Variants in MYO5B observed in about 807,000 individuals in gnomAD.
MYO5B encodes the protein myosin VB.
MYO5B carries 143 observed loss-of-function variants against 229.3 expected under a neutral mutation model. The ratio of observed to expected loss-of-function variants is 0.62; its 90% CI spans 0.54 to 0.72. MYO5B has a LOEUF of 0.72. Ranked by LOEUF, MYO5B falls within the 30% of genes least tolerant of loss-of-function variation. The pLI is 0.00. For missense variants in MYO5B, 2,321 were observed against 2,331.0 expected, an observed-to-expected ratio of 1.00 and a Z score of 0.09; for synonymous variants, 918 against 885.2, an observed-to-expected ratio of 1.04 and a Z score of -0.66.
chr18:50,013,726 C>T (rs1186199534), intron 4 of MYO5B, among the ~76,000 whole-genome samples: 1 of 152,168 alleles, frequency 6.6e-6, no homozygotes, highest in Non-Finnish European at 1.5e-5. Context: ...TCCATTCTAC[C>T]CGACTTCAAG....
At chr18:49,911,447 A>C (rs2144159986) in intron 18 of MYO5B, among the ~76,000 whole-genome samples, 1 of 152,370 alleles carries the variant, frequency 6.6e-6, no homozygotes, top group South Asian at 2.1e-4. Context: ...CTAGATAAAC[A>C]AATGAAAATA....
At chr18:49,963,620 GT>G (rs1389215374) in intron 10 of MYO5B, among the ~76,000 whole-genome samples, 1 of 151,918 alleles carries the variant, frequency 6.6e-6, no homozygotes, top group African/African-American at 2.4e-5. Flanking sequence ...TAGAGACAAG[GT>G]TTTGCCATGT....
chr18:50,194,660 C>T, intron 1 of MYO5B, 107 bp downstream of exon 1: 1 of 755,688 alleles, frequency 1.3e-6, no homozygotes. Flanking sequence ...GGGGGTCTCC[C>T]GTCACCTCCC....
chr18:50,127,191 C>T (rs1041953101), intron 1 of MYO5B, among the ~76,000 whole-genome samples: 9 of 152,136 alleles, frequency 5.9e-5, no homozygotes, highest in East Asian at 1.9e-4. Flanking sequence ...GTGGCACTTA[C>T]GATAATTCAA....
At chr18:49,914,741 C>T (rs1479012260) in intron 17 of MYO5B, among the ~76,000 whole-genome samples, 6 of 145,816 alleles carry the variant, frequency 4.1e-5, no homozygotes, top group South Asian at 2.1e-4. Context: ...GATCATGCCA[C>T]TGCACTCCAG....
At chr18:49,902,991 T>G (rs1485575616) in intron 20 of MYO5B, among the ~76,000 whole-genome samples, 158 bp from the exon 21 acceptor site, 2 of 152,244 alleles carry the variant, frequency 1.3e-5, no homozygotes, top group Admixed American at 6.5e-5. Flanking sequence ...CTTTGGTGGT[T>G]GTTTTATAAC....
rs1490231358 is a variant in MYO5B at position 50,120,190 on chromosome 18, G to T, written c.28-64812C>A. On this transcript the variant is annotated intron_variant, in intron 1 of 39. Transcript: ENST00000285039. Reference sequence around the variant, plus strand: ...TGCTTTCAATTTTAATGCCTTTTGGGGGCCAGAAGTATAATTGGTCAGCTT... The same window carrying T: ...TGCTTTCAATTTTAATGCCTTTTGGTGGCCAGAAGTATAATTGGTCAGCTT... 2.0e-5 allele frequency among the ~76,000 whole-genome samples: 3 copies of T among 152,202 alleles called. No individual in the cohort carries two copies. The East Asian group carries it at 5.8e-4, about 29-fold the overall frequency.
chr18:50,126,901 T>C (rs1181866995), intron 1 of MYO5B, among the ~76,000 whole-genome samples: 2 of 152,222 alleles, frequency 1.3e-5, no homozygotes, highest in Admixed American at 1.3e-4. Context: ...AATAGGGTTA[T>C]TAAATGAGCT....
At chr18:50,004,920 T>C (rs370055007) in intron 4 of MYO5B, among the ~76,000 whole-genome samples, 3 of 152,206 alleles carry the variant, frequency 2.0e-5, no homozygotes, top group Admixed American at 1.3e-4. Context: ...CAGACTTGAA[T>C]TTGAACCTCG....
rs1237611435 is a variant in MYO5B at position 50,195,014 on chromosome 18, C to G, written c.-221G>C. 6 of 532,094 alleles carry G rather than the reference C, an allele frequency of 1.1e-5. No individual in the cohort carries two copies. Among genetic ancestry groups the G allele is most frequent in the African/African-American group, 6.0e-5 (3 of 50,238 alleles). The allele number at this position is 532,094 out of a possible 1,614,324, so 33.0% of individuals were successfully genotyped here. A position where few individuals can be genotyped will look rare whatever the true frequency, so the allele number is the denominator to read the frequency against. On this transcript the variant is annotated 5_prime_UTR_variant, in exon 1 of 40. Coordinates refer to ENST00000285039, the MANE Select transcript of MYO5B (RefSeq NM_001080467.3). Reference sequence around the variant, plus strand: ...CCGCGGCGGCGCAGCTACGGCCGGACAGGAGTTGCGAGCGCCGGGGGAGGA... The same window carrying G: ...CCGCGGCGGCGCAGCTACGGCCGGAGAGGAGTTGCGAGCGCCGGGGGAGGA...
intron 38 of MYO5B, among the ~76,000 whole-genome samples, chr18:49,836,510 T>A (rs11659301): frequency 6.6e-6 from 1 of 152,152 alleles, no homozygotes; most frequent in Admixed American, 6.5e-5. Context: ...AAACAGTATC[T>A]GTGGCATCTT....
intron 2 of MYO5B, among the ~76,000 whole-genome samples, chr18:50,048,015 C>A (rs1045434781): frequency 6.6e-6 from 1 of 151,360 alleles, no homozygotes; most frequent in Non-Finnish European, 1.5e-5. Flanking sequence ...GTGCAGCACA[C>A]CAACATGGCA....
At chr18:50,190,221 A>G (rs1185620723) in intron 1 of MYO5B, among the ~76,000 whole-genome samples, 1 of 152,226 alleles carries the variant, frequency 6.6e-6, no homozygotes, top group Non-Finnish European at 1.5e-5. Context: ...CCTGAGAAGG[A>G]GAGGTTACAT....
intron 1 of MYO5B, among the ~76,000 whole-genome samples, chr18:50,192,486 CTTG>C (rs1443033401): frequency 6.6e-6 from 1 of 152,158 alleles, no homozygotes; most frequent in Non-Finnish European, 1.5e-5. Flanking sequence ...AGCCATTTTG[CTTG>C]TTGTCTTTCT....
chr18:50,164,933 T>A (rs1484671711), intron 1 of MYO5B, among the ~76,000 whole-genome samples: 1 of 152,194 alleles, frequency 6.6e-6, no homozygotes, highest in Non-Finnish European at 1.5e-5. Flanking sequence ...TGACACATTA[T>A]CACCCTCAAC....
At chr18:49,836,593 G>T in intron 38 of MYO5B, 118 bp downstream of exon 38, 3 of 1,180,466 alleles carry the variant, frequency 2.5e-6, no homozygotes, top group Admixed American at 1.8e-5. Context: ...TGTCTCATTA[G>T]GGGTATATAA....
intron 18 of MYO5B, among the ~76,000 whole-genome samples, chr18:49,906,953 G>C (rs1460261302): frequency 6.6e-6 from 1 of 152,224 alleles, no homozygotes; most frequent in African/African-American, 2.4e-5. Flanking sequence ...TGGCTGGTGA[G>C]CGTGGGATGG....
intron 4 of MYO5B, among the ~76,000 whole-genome samples, chr18:50,028,954 G>T (rs1598964617): frequency 6.6e-6 from 1 of 152,182 alleles, no homozygotes; most frequent in East Asian, 1.9e-4. Flanking sequence ...GTCATAGAAG[G>T]CAGGCAAAGG....
intron 17 of MYO5B, 57 bp from the exon 18 acceptor site, chr18:49,912,230 A>AGCCAGGCG (rs1256242552): frequency 1.7e-5 from 23 of 1,346,432 alleles, no homozygotes; most frequent in South Asian, 3.5e-5. Flanking sequence ...GCCACACAAA[A>AGCCAGGCG]GCCAGGCGTG....
Sources: allele counts gnomAD v4.1 joint callset (sites outside exome capture counted in the v4.1 genomes callset), GRCh38; gene constraint gnomAD v4.1.1; transcripts MANE v1.5; gene names NCBI Gene and HGNC (gene_info 2026-07-23, HGNC 2026-07-21).